The following LRP1B variants were observed in gnomAD, a reference collection of about 807,000 sequenced individuals.
LRP1B encodes the protein low-density lipoprotein receptor-related protein 1B.
A neutral mutation model predicts 556.6 loss-of-function variants in LRP1B; 217 were observed. The ratio of observed to expected loss-of-function variants is 0.39; its 90% CI spans 0.35 to 0.44. The LOEUF (loss-of-function observed/expected upper bound fraction) is 0.44. Among genes scored for constraint, LRP1B ranks in the 20% least tolerant of loss-of-function variants. The pLI is 1.00. For missense variants in LRP1B, 5,053 were observed against 5,620.8 expected, an observed-to-expected ratio of 0.90 and a Z score of 3.23; for synonymous variants, 2,047 against 1,865.8, an observed-to-expected ratio of 1.10 and a Z score of -2.50.
chr2:140,491,111 C>T (rs1688681018), intron 57 of LRP1B, among the ~76,000 whole-genome samples: 1 of 151,988 alleles, frequency 6.6e-6, no homozygotes, highest in South Asian at 2.1e-4. Context: ...TTTTTGACAA[C>T]ACATTATCTG....
At chr2:141,076,056 A>T (rs1189432358) in intron 7 of LRP1B, among the ~76,000 whole-genome samples, 1 of 152,238 alleles carries the variant, frequency 6.6e-6, no homozygotes, top group Non-Finnish European at 1.5e-5. Context: ...TGTGAGGGGC[A>T]GATGTACTTA....
chr2:141,274,683 G>A (rs1003521127), intron 3 of LRP1B, among the ~76,000 whole-genome samples: 4 of 152,054 alleles, frequency 2.6e-5, no homozygotes, highest in African/African-American at 9.7e-5. Context: ...TCATACTTCA[G>A]TTGGGTAAAT....
intron 81 of LRP1B, among the ~76,000 whole-genome samples, chr2:140,323,414 A>C (rs1680266625): frequency 6.6e-6 from 1 of 151,950 alleles, no homozygotes; most frequent in Non-Finnish European, 1.5e-5. Flanking sequence ...CTTGTTGATT[A>C]GTGGTAAGAG....
At chr2:141,200,891 G>T (rs1401312) in intron 6 of LRP1B, among the ~76,000 whole-genome samples, 39,621 of 152,036 alleles carry the variant, frequency 0.26, 5,958 homozygotes, top group Middle Eastern at 0.46. Context: ...TTTTGCAATA[G>T]CCTTTGCTCA....
At chr2:142,085,822 C>T (rs1472765081) in intron 1 of LRP1B, among the ~76,000 whole-genome samples, 1 of 152,090 alleles carries the variant, frequency 6.6e-6, no homozygotes, top group Non-Finnish European at 1.5e-5. Context: ...TAATACTATG[C>T]ATATATGAAA....
At chr2:141,378,088 A>T (rs1454981709) in intron 3 of LRP1B, among the ~76,000 whole-genome samples, 1 of 152,204 alleles carries the variant, frequency 6.6e-6, no homozygotes, top group African/African-American at 2.4e-5. Context: ...AAGCTGCACT[A>T]TAACAAACAG....
At chr2:140,311,731 A>G (rs539860437) in intron 83 of LRP1B, among the ~76,000 whole-genome samples, 1 of 152,014 alleles carries the variant, frequency 6.6e-6, no homozygotes, top group Admixed American at 6.6e-5. Context: ...TTCCCTAAAT[A>G]TAATTAATTA....
At chr2:141,699,291 G>A (rs1355834594) in intron 2 of LRP1B, among the ~76,000 whole-genome samples, 2 of 151,732 alleles carry the variant, frequency 1.3e-5, no homozygotes, top group African/African-American at 4.8e-5. Flanking sequence ...ATGCACATCA[G>A]GGTTGCTAAC....
chr2:141,597,648 C>T (rs554249341), intron 2 of LRP1B, among the ~76,000 whole-genome samples: 4 of 152,198 alleles, frequency 2.6e-5, no homozygotes, highest in African/African-American at 7.2e-5. Context: ...ATCTCAAATA[C>T]AGTTTGCTTT....
intron 2 of LRP1B, among the ~76,000 whole-genome samples, chr2:141,510,877 AACACAC>A (rs763698242): frequency 7.1e-6 from 1 of 141,258 alleles, no homozygotes; most frequent in African/African-American, 2.7e-5. Flanking sequence ...TCCTTGTCTA[AACACAC>A]ACACACACAC....
At chr2:141,422,044 T>C (rs368328192) in intron 3 of LRP1B, among the ~76,000 whole-genome samples, 1 of 152,198 alleles carries the variant, frequency 6.6e-6, no homozygotes, top group African/African-American at 2.4e-5. Flanking sequence ...GACACATAGA[T>C]GGTCAGGAAA....
chr2:141,627,344 T>C (rs1455045618), intron 2 of LRP1B, among the ~76,000 whole-genome samples: 1 of 152,232 alleles, frequency 6.6e-6, no homozygotes, highest in Non-Finnish European at 1.5e-5. Flanking sequence ...GAAGCTACTC[T>C]ATAATATCAC....
In LRP1B at chr2:142,043,002, G is replaced by A. The variant is rs1020193929; in HGVS notation, c.82+87646C>T. Among the ~76,000 whole-genome samples the A allele has an allele frequency of 2.6e-5, 4 of 151,344 alleles. No individual in the cohort carries two copies. The Admixed American group carries it at 2.6e-4, about 10-fold the overall frequency. ...CTAATTTTATTACTTATCATTTTTA[G>A]TATCTCCAGGGACACCATTGTTTTA... is the stretch of plus-strand genomic sequence containing the variant. On this transcript the variant is annotated intron_variant, in intron 1 of 90. Coordinates refer to ENST00000389484, the MANE Select transcript of LRP1B (RefSeq NM_018557.3).
intron 35 of LRP1B, among the ~76,000 whole-genome samples, chr2:140,750,405 T>C (rs1688534979): frequency 6.6e-6 from 1 of 151,128 alleles, no homozygotes; most frequent in Non-Finnish European, 1.5e-5. Flanking sequence ...GTCTCATATT[T>C]GTTTTAATGT....
rs137973834 is a variant in LRP1B, at chr2:140,500,994, T to C, written c.8850+693A>G. Among the ~76,000 whole-genome samples, 9 of 152,098 alleles carry C rather than the reference T, an allele frequency of 5.9e-5. No individual in the cohort carries two copies. In the South Asian group the frequency reaches 1.4e-3, roughly 24 times the overall value. ...TTGCTCTTATTGAGGTTTTTCCACA[T>C]TTACAAAATTGATTTTAACCTAATA... On this transcript the variant is annotated intron_variant, in intron 55 of 90. Coordinates refer to ENST00000389484, the MANE Select transcript of LRP1B (RefSeq NM_018557.3).
chr2:140,536,062 G>C (rs1025191508), intron 46 of LRP1B, among the ~76,000 whole-genome samples: 5 of 152,006 alleles, frequency 3.3e-5, no homozygotes, highest in Admixed American at 6.6e-5. Flanking sequence ...CGATGTTTCT[G>C]AGTTACATTT....
chr2:140,947,986 T>C (rs1465004706), intron 20 of LRP1B, among the ~76,000 whole-genome samples: 2 of 152,160 alleles, frequency 1.3e-5, no homozygotes, highest in Non-Finnish European at 2.9e-5. Context: ...TAACATTAAA[T>C]AGCCACTGCT....
chr2:141,904,189 C>A (rs975512967), intron 1 of LRP1B, among the ~76,000 whole-genome samples: 4 of 151,980 alleles, frequency 2.6e-5, no homozygotes, highest in African/African-American at 9.6e-5. Context: ...GGACCATGAG[C>A]TGTAGGAAGT....
chr2:142,031,330 A>T lies in LRP1B; in HGVS notation c.82+99318T>A, dbSNP rs868422087. Among the ~76,000 whole-genome samples the T allele has an allele frequency of 2.8e-3, 322 of 116,846 alleles. 3 individuals carry two copies. Among genetic ancestry groups the T allele is most frequent in the Non-Finnish European group, 3.7e-3 (211 of 56,956 alleles). 76.7% of individuals were successfully genotyped at this position (116,846 alleles called of 152,430 possible). ...ATTTAGAGAAAGGTTGATTATACTT[A>T]TTTTTTTTTTTTTTTTTTATTATAC... On this transcript the variant is annotated intron_variant, in intron 1 of 90. Coordinates refer to ENST00000389484, the MANE Select transcript of LRP1B (RefSeq NM_018557.3).
Sources: gnomAD v4.1 joint callset for allele counts (sites outside exome capture counted in the v4.1 genomes callset) on GRCh38, gnomAD v4.1.1 for gene constraint, MANE v1.5 for transcripts, NCBI Gene and HGNC (gene_info 2026-07-23, HGNC 2026-07-21) for gene names.